Variants in NTN1 observed in about 807,000 individuals in gnomAD.
The protein encoded by NTN1 is netrin 1.
Under a neutral mutation model 54.2 loss-of-function variants are expected in NTN1, and 11 were observed. The ratio of observed to expected loss-of-function variants is 0.20; its 90% confidence interval spans 0.13 to 0.34. NTN1 has a LOEUF of 0.34. Ranked by LOEUF, NTN1 falls within the 10% of genes least tolerant of loss-of-function variation. The pLI, the probability that NTN1 is intolerant of heterozygous loss-of-function variation, is 1.00. For missense variants in NTN1, 740 were observed against 893.1 expected, an observed-to-expected ratio of 0.83 and a Z score of 2.18; for synonymous variants, 371 against 382.0, an observed-to-expected ratio of 0.97 and a Z score of 0.33.
At chr17:9,137,686 T>C (rs1298188741) in intron 2 of NTN1, among the ~76,000 whole-genome samples, 1 of 151,542 alleles carries the variant, frequency 6.6e-6, no homozygotes, top group Non-Finnish European at 1.5e-5. Flanking sequence ...CCCAGCTACT[T>C]GGGAGGCTGA....
Position 9,158,323 on chromosome 17 carries a change from G to C in NTN1, c.1019-4490G>C, listed in dbSNP as rs534062168. Among the ~76,000 whole-genome samples, 116 of 152,350 alleles carry C rather than the reference G, an allele frequency of 7.6e-4. 2 individuals are homozygous for C. In the Middle Eastern group the frequency reaches 0.014, roughly 18 times the overall value. On this transcript the variant is annotated intron_variant, in intron 2 of 6. Coordinates refer to ENST00000173229, the MANE Select transcript of NTN1 (RefSeq NM_004822.3). The stretch of plus-strand genomic sequence containing the variant: ...GGGAAAAGTGGAGGCTGAGCTCCCA[G>C]AAGGGGCTCAGAGGTTAGGGCAGGC...
chr17:9,219,383 C>T lies in NTN1; in HGVS notation c.1412-1785C>T, dbSNP rs747326067. Among the ~76,000 whole-genome samples, 18 of 152,304 alleles carry T rather than the reference C, an allele frequency of 1.2e-4. No homozygotes were observed. The highest frequency in any genetic ancestry group is 3.4e-3 in the Middle Eastern group (1 of 294). ...GACTGTGGCCACCAGTGCCATGGAG[C>T]AGGGGTGTCATGAAGGGGCTCCGAG... On this transcript the variant is annotated intron_variant, in intron 5 of 6. Transcript: ENST00000173229. The surrounding 1 kb of genome is among the most constrained non-coding windows in gnomAD (Gnocchi z 4.5).
intron 2 of NTN1, among the ~76,000 whole-genome samples, chr17:9,118,257 C>T (rs1317171832): frequency 1.3e-5 from 2 of 152,214 alleles, no homozygotes; most frequent in Non-Finnish European, 1.5e-5. Flanking sequence ...CGGTGGCTCA[C>T]GCCTGTAATC....
intron 3 of NTN1, 21 bp from the exon 4 acceptor site, chr17:9,179,786 C>G: frequency 6.2e-7 from 1 of 1,610,530 alleles, no homozygotes; most frequent in Non-Finnish European, 8.5e-7. Context: ...GTCTGACCCT[C>G]CCATTTTGTG....
At chr17:9,202,045 CACACACACACAAAAAAAA>C in intron 5 of NTN1, among the ~76,000 whole-genome samples, 1 of 25,822 alleles carries the variant, frequency 3.9e-5, no homozygotes, top group Non-Finnish European at 7.3e-5. Context: ...CACACACACA[CACACACACACAAAAAAAA>C]AAAAAAAAAA....
intron 5 of NTN1, among the ~76,000 whole-genome samples, chr17:9,201,973 G>A (rs1369162308): frequency 7.4e-6 from 1 of 135,140 alleles, no homozygotes; most frequent in Non-Finnish European, 1.5e-5. Context: ...GAATCACAAG[G>A]CCAGAAGTTC....
chr17:9,013,554 T>C, the NTN1 span, among the ~76,000 whole-genome samples: 1 of 152,196 alleles, frequency 6.6e-6, no homozygotes, highest in Admixed American at 6.5e-5. Flanking sequence ...TAACCTTTCA[T>C]TCTCTAAGAG....
At chr17:9,115,711 C>G (rs751012792) in intron 2 of NTN1, among the ~76,000 whole-genome samples, 10 of 152,220 alleles carry the variant, frequency 6.6e-5, no homozygotes, top group Non-Finnish European at 1.3e-4. Context: ...TGACATTTCC[C>G]GGGGCCGCAG....
chr17:9,174,617 A>T (rs775468856), intron 3 of NTN1: 1 of 152,200 alleles, frequency 6.6e-6, no homozygotes, highest in Non-Finnish European at 1.5e-5. Flanking sequence ...CACTGCACTC[A>T]TCTGTATCCC....
chr17:9,162,403 C>G (rs2092359456), intron 2 of NTN1, among the ~76,000 whole-genome samples: 1 of 152,234 alleles, frequency 6.6e-6, no homozygotes, highest in Admixed American at 6.5e-5. Context: ...TGGCCGCCCT[C>G]TGGCAACGTC....
At chr17:9,069,917 C>T (rs1023000623) in intron 2 of NTN1, among the ~76,000 whole-genome samples, 1 of 152,220 alleles carries the variant, frequency 6.6e-6, no homozygotes, top group Non-Finnish European at 1.5e-5. Flanking sequence ...TGTGGCTCAT[C>T]CTCCTGGGAA....
Position 9,241,365 on chromosome 17 carries a change from T to A in NTN1, c.*1397T>A, listed in dbSNP as rs1906207744. The A allele has an allele frequency of 6.6e-6, 1 of 152,574 alleles. No individual in the cohort carries two copies. The highest frequency in any genetic ancestry group is 2.4e-5 in the African/African-American group (1 of 41,400). 9.5% of individuals were successfully genotyped at this position (152,574 alleles called of 1,614,324 possible). A position where few individuals can be genotyped will look rare whatever the true frequency, so the allele number is the denominator to read the frequency against. ...GTGCCCCAGCCCTCCTTCCAAAATC[T>A]CCTAGAGACACGGTCCTCAAGCAGG... On this transcript the variant is annotated 3_prime_UTR_variant, in exon 7 of 7. Coordinates refer to ENST00000173229, the MANE Select transcript of NTN1 (RefSeq NM_004822.3).
intron 2 of NTN1, among the ~76,000 whole-genome samples, chr17:9,075,177 T>G (rs2092045265): frequency 6.6e-6 from 1 of 152,164 alleles, no homozygotes; most frequent in African/African-American, 2.4e-5. Context: ...CTCCCGGTTC[T>G]TCCATCTATA....
intron 2 of NTN1, among the ~76,000 whole-genome samples, chr17:9,133,012 T>G (rs1290462088): frequency 1.3e-5 from 2 of 152,078 alleles, no homozygotes; most frequent in Non-Finnish European, 1.5e-5. Context: ...GGCCAAAACC[T>G]TCCACGGACT....
intron 5 of NTN1, among the ~76,000 whole-genome samples, chr17:9,215,239 A>G (rs1400635079): frequency 1.5e-5 from 2 of 137,518 alleles, no homozygotes; most frequent in Non-Finnish European, 3.1e-5. Flanking sequence ...ATATATACAT[A>G]GCTAGATAGA....
At chr17:9,208,386 C>T (rs933180503) in intron 5 of NTN1, among the ~76,000 whole-genome samples, 2 of 152,196 alleles carry the variant, frequency 1.3e-5, no homozygotes, top group African/African-American at 4.8e-5. Context: ...CTCACAGAGA[C>T]AGCCGCAGTC....
intron 6 of NTN1, among the ~76,000 whole-genome samples, chr17:9,227,731 G>A (rs1241308513): frequency 6.7e-6 from 1 of 148,870 alleles, no homozygotes; most frequent in African/African-American, 2.5e-5. Flanking sequence ...ACACACATCA[G>A]ATACACTATC....
intron 2 of NTN1, among the ~76,000 whole-genome samples, chr17:9,073,777 G>T (rs1287237516): frequency 6.6e-6 from 1 of 152,218 alleles, no homozygotes; most frequent in African/African-American, 2.4e-5. Flanking sequence ...GGTCCCACTT[G>T]GTGGGTGCCT....
intron 2 of NTN1, among the ~76,000 whole-genome samples, chr17:9,058,466 T>C (rs2091985862): frequency 6.6e-6 from 1 of 151,786 alleles, no homozygotes; most frequent in Non-Finnish European, 1.5e-5. Flanking sequence ...TTCTGTGTTC[T>C]GGCCCTAAGT....
Sources: allele counts gnomAD v4.1 joint callset (sites outside exome capture counted in the v4.1 genomes callset), GRCh38; gene constraint gnomAD v4.1.1; non-coding constraint Gnocchi (gnomAD v3.1); transcripts MANE v1.5; gene names NCBI Gene and HGNC (gene_info 2026-07-23, HGNC 2026-07-21).